ATP8A2: variants seen among roughly 807,000 people sequenced by gnomAD.
ATP8A2 encodes the protein phospholipid-transporting ATPase IB.
A neutral mutation model predicts 165.6 loss-of-function variants in ATP8A2; 100 were observed. The observed-to-expected ratio is 0.60, with a 90% confidence interval of 0.51 to 0.71. The LOEUF is 0.71. Ranked by LOEUF, ATP8A2 falls within the 30% of genes least tolerant of loss-of-function variation. The probability of loss-of-function intolerance (pLI) is 0.00; values close to 1 mark genes in which losing one functional copy is unlikely to be tolerated. For missense variants in ATP8A2, 1,227 were observed against 1,479.5 expected (o/e 0.83, Z 2.80); for synonymous variants, 543 against 548.8 (o/e 0.99, Z 0.15).
intron 33 of ATP8A2, among the ~76,000 whole-genome samples, chr13:25,890,118 C>T (rs1431004186): frequency 6.6e-6 from 1 of 152,088 alleles, no homozygotes; most frequent in Non-Finnish European, 1.5e-5. Context: ...GCCGAGATCG[C>T]TCCACTGCCC....
intron 24 of ATP8A2, among the ~76,000 whole-genome samples, chr13:25,691,883 A>G (rs1409180170): frequency 2.0e-5 from 3 of 152,160 alleles, no homozygotes; most frequent in Admixed American, 1.3e-4. Context: ...TGGATTTGCT[A>G]TATTTGTGCT....
At chr13:25,848,055 AC>A (rs1951911711) in intron 30 of ATP8A2, among the ~76,000 whole-genome samples, 1 of 152,046 alleles carries the variant, frequency 6.6e-6, no homozygotes, top group African/African-American at 2.4e-5. Flanking sequence ...CCCTGTAAGA[AC>A]CCCAGTAGAG....
chr13:25,939,189 C>A (rs1384677564), intron 33 of ATP8A2, among the ~76,000 whole-genome samples: 1 of 152,156 alleles, frequency 6.6e-6, no homozygotes, highest in Non-Finnish European at 1.5e-5. Context: ...TCTCTTTCAC[C>A]AGCGTGCTCC....
chr13:25,764,266 ACTC>A (rs1566115396), intron 25 of ATP8A2, among the ~76,000 whole-genome samples: 1 of 152,194 alleles, frequency 6.6e-6, no homozygotes, highest in Non-Finnish European at 1.5e-5. Context: ...TATTTGAGAC[ACTC>A]AGATTAAAAG....
intron 1 of ATP8A2, among the ~76,000 whole-genome samples, chr13:25,407,996 G>A (rs1479238244): frequency 2.0e-5 from 3 of 152,126 alleles, no homozygotes; most frequent in Non-Finnish European, 4.4e-5. Flanking sequence ...GGGTTGGTCA[G>A]TGCAGCAAAC....
chr13:25,868,534 A>G (rs1342604891), intron 33 of ATP8A2, among the ~76,000 whole-genome samples: 2 of 149,916 alleles, frequency 1.3e-5, no homozygotes, highest in Admixed American at 1.3e-4. Context: ...TTGAAGTCCA[A>G]TTCACATTCT....
intron 2 of ATP8A2, among the ~76,000 whole-genome samples, chr13:25,492,181 C>A (rs2036547739): frequency 6.6e-6 from 1 of 152,142 alleles, no homozygotes; most frequent in South Asian, 2.1e-4. Context: ...CTCAGCCTCC[C>A]AAGTAACTGG....
intron 1 of ATP8A2, among the ~76,000 whole-genome samples, chr13:25,405,283 A>C (rs1387554220): frequency 1.3e-5 from 2 of 152,196 alleles, no homozygotes; most frequent in Non-Finnish European, 2.9e-5. Context: ...GGATGGGAAG[A>C]GGCTGCTGAA....
intron 24 of ATP8A2, among the ~76,000 whole-genome samples, chr13:25,594,284 A>C (rs957171025): frequency 1.3e-5 from 2 of 152,332 alleles, no homozygotes; most frequent in Admixed American, 1.3e-4. Context: ...TAAAGGACAA[A>C]AAGTGCTGAG....
chr13:25,858,722 C>G (rs1052712442), intron 30 of ATP8A2, among the ~76,000 whole-genome samples: 2 of 152,164 alleles, frequency 1.3e-5, no homozygotes, highest in Non-Finnish European at 2.9e-5. Flanking sequence ...AATTTGAACA[C>G]AAGCATCCTT....
rs114305797 is a variant in ATP8A2, at chr13:25,417,954, C to T, written c.76+45666C>T. On this transcript the variant is annotated intron_variant, in intron 1 of 36. Coordinates refer to ENST00000381655, the MANE Select transcript of ATP8A2 (RefSeq NM_016529.6). The stretch of plus-strand genomic sequence containing the variant: ...TGTCTGAAAGTAAAATTAACTGGTG[C>T]TCTGTGTACCATGATCCCAGGACTC... Among the ~76,000 whole-genome samples, 1,005 of 152,304 alleles carry T rather than the reference C, an allele frequency of 6.6e-3. 11 individuals carry two copies. Among genetic ancestry groups the T allele is most frequent in the African/African-American group, 0.023 (968 of 41,556 alleles).
At position 25,543,301 on chromosome 13, in the gene ATP8A2, CTTG is replaced by C; in HGVS notation, c.791_793del (p.Leu264_Gly265delinsArg). ...GTTTTTTATTTTTAGCCTTGTTGCC[CTTG>C]GGCCTGACCAGATCTTATTAAGAGG... On this transcript the variant is annotated inframe_deletion, in exon 10 of 37. Transcript: ENST00000381655. 1 of 1,601,820 alleles carries C rather than the reference CTTG, an allele frequency of 6.2e-7. No individual in the cohort carries two copies. The highest frequency in any genetic ancestry group is 1.7e-5 in the Admixed American group (1 of 59,458).
At chr13:25,463,862 G>C (rs2137491881) in intron 1 of ATP8A2, among the ~76,000 whole-genome samples, 1 of 152,234 alleles carries the variant, frequency 6.6e-6, no homozygotes, top group South Asian at 2.1e-4. Context: ...GCTTCTGTGG[G>C]TCACTGGTGT....
intron 25 of ATP8A2, among the ~76,000 whole-genome samples, chr13:25,744,325 A>ACCC (rs138866684): frequency 1.3e-5 from 2 of 148,400 alleles, no homozygotes; most frequent in African/African-American, 5.1e-5. Context: ...CTCACTCACC[A>ACCC]CCCCCCCGTG....
chr13:25,645,993 A>G (rs975428427), intron 24 of ATP8A2, among the ~76,000 whole-genome samples: 1 of 152,112 alleles, frequency 6.6e-6, no homozygotes, highest in Admixed American at 6.5e-5. Flanking sequence ...TTGATGACCT[A>G]TTATTGAAAG....
intron 33 of ATP8A2, among the ~76,000 whole-genome samples, chr13:25,923,019 A>G (rs1431073603): frequency 6.6e-6 from 1 of 152,184 alleles, no homozygotes; most frequent in Non-Finnish European, 1.5e-5. Flanking sequence ...ATGTGAAGGG[A>G]AAGGGACAAG....
intron 1 of ATP8A2, among the ~76,000 whole-genome samples, chr13:25,398,104 C>G (rs951907127): frequency 2.6e-5 from 4 of 152,152 alleles, no homozygotes; most frequent in African/African-American, 9.7e-5. Flanking sequence ...AGGAAAAGAC[C>G]TGGAAATGGA....
chr13:25,531,329 T>G (rs569780382), intron 4 of ATP8A2, among the ~76,000 whole-genome samples: 1 of 133,830 alleles, frequency 7.5e-6, no homozygotes, highest in Non-Finnish European at 1.5e-5. Flanking sequence ...ATATATGATA[T>G]ATATATGTTA....
At chr13:25,485,831 G>T (rs1289108943) in intron 2 of ATP8A2, among the ~76,000 whole-genome samples, 1 of 152,174 alleles carries the variant, frequency 6.6e-6, no homozygotes, top group East Asian at 1.9e-4. Flanking sequence ...CTTCAGGACT[G>T]CCCCAGGGAG....
Sources: allele counts gnomAD v4.1 joint callset (sites outside exome capture counted in the v4.1 genomes callset), GRCh38; gene constraint gnomAD v4.1.1; transcripts MANE v1.5; gene names NCBI Gene and HGNC (gene_info 2026-07-23, HGNC 2026-07-21).